The following MCU variants were observed in gnomAD, a reference collection of about 807,000 sequenced individuals.
MCU encodes the protein calcium uniporter protein, mitochondrial.
A neutral mutation model predicts 45.2 loss-of-function variants in MCU; 12 were observed. The observed-to-expected ratio is 0.27, with a 90% CI of 0.17 to 0.43. The LOEUF (loss-of-function observed/expected upper bound fraction) is 0.43. MCU is among the 20% of genes least tolerant of loss of function. The probability of loss-of-function intolerance (pLI) is 1.00; values close to 1 mark genes in which losing one functional copy is unlikely to be tolerated. For missense variants in MCU, 324 were observed against 436.7 expected, an observed-to-expected ratio of 0.74 and a Z score of 2.30; for synonymous variants, 160 against 165.1, an observed-to-expected ratio of 0.97 and a Z score of 0.24.
intron 1 of MCU, among the ~76,000 whole-genome samples, chr10:72,781,222 A>G (rs1843989152): frequency 6.6e-6 from 1 of 152,190 alleles, no homozygotes; most frequent in Non-Finnish European, 1.5e-5. Context: ...GAGTTTGGAG[A>G]TAAGAAATTA....
At chr10:72,742,512 C>A (rs1275083687) in intron 1 of MCU, among the ~76,000 whole-genome samples, 2 of 152,120 alleles carry the variant, frequency 1.3e-5, no homozygotes, top group Non-Finnish European at 2.9e-5. Context: ...AAATAATACT[C>A]AGAAATGAAT....
intron 1 of MCU, among the ~76,000 whole-genome samples, chr10:72,701,280 C>A (rs768536726): frequency 1.3e-4 from 20 of 152,250 alleles, no homozygotes; most frequent in Non-Finnish European, 2.1e-4. Context: ...TTTACTATAA[C>A]CCTATGAGAG....
chr10:72,854,717 C>T (rs1300868254), intron 2 of MCU, among the ~76,000 whole-genome samples: 11 of 152,208 alleles, frequency 7.2e-5, no homozygotes, highest in Admixed American at 5.2e-4. Flanking sequence ...TGGGGGTTGG[C>T]GACCCCCTAA....
chr10:72,739,476 T>C (rs1709000254), intron 1 of MCU, among the ~76,000 whole-genome samples: 1 of 152,230 alleles, frequency 6.6e-6, no homozygotes, highest in Admixed American at 6.5e-5. Flanking sequence ...ACTTTAGTTC[T>C]AGGTGAATTC....
At chr10:72,840,692 G>A (rs1845034923) in intron 2 of MCU, among the ~76,000 whole-genome samples, 1 of 152,162 alleles carries the variant, frequency 6.6e-6, no homozygotes, top group Middle Eastern at 3.2e-3. Flanking sequence ...GGCACACAGA[G>A]CCTAAGTATT....
chr10:72,788,200 A>T lies in MCU; in HGVS notation c.151-46159A>T, dbSNP rs924223674. Among the ~76,000 whole-genome samples, 7 of 152,380 alleles carry T rather than the reference A, an allele frequency of 4.6e-5. No homozygotes were observed. In the South Asian group the frequency reaches 1.0e-3, roughly 23 times the overall value. On this transcript the variant is annotated intron_variant, in intron 1 of 7. Coordinates refer to ENST00000373053, the MANE Select transcript of MCU (RefSeq NM_138357.3). ...CAATAGGTATAGAGTCCTTATCCAA[A>T]TAAGTAGCTGCTGACTATGAGTATA...
intron 1 of MCU, among the ~76,000 whole-genome samples, chr10:72,791,780 T>A (rs1844164197): frequency 6.6e-6 from 1 of 152,094 alleles, no homozygotes; most frequent in Non-Finnish European, 1.5e-5. Context: ...CATGAACTTA[T>A]TTTTAATTTT....
intron 2 of MCU, among the ~76,000 whole-genome samples, chr10:72,839,466 A>G (rs1425028049): frequency 6.6e-6 from 1 of 152,188 alleles, no homozygotes; most frequent in Non-Finnish European, 1.5e-5. Context: ...ATGGACTCAT[A>G]CAATATGTAG....
At chr10:72,736,347 G>C (rs1477955913) in intron 1 of MCU, 1 of 152,186 alleles carries the variant, frequency 6.6e-6, no homozygotes, top group African/African-American at 2.4e-5. Flanking sequence ...CAGATAACTA[G>C]ACAGTAAGGC....
intron 6 of MCU, among the ~76,000 whole-genome samples, chr10:72,881,115 G>A (rs754930775): frequency 8.5e-5 from 13 of 152,112 alleles, no homozygotes; most frequent in Non-Finnish European, 1.8e-4. Flanking sequence ...TGGTGGCAGA[G>A]TGAGACTCAA....
At chr10:72,726,771 A>G (rs1266323863) in intron 1 of MCU, among the ~76,000 whole-genome samples, 3 of 152,198 alleles carry the variant, frequency 2.0e-5, no homozygotes, top group African/African-American at 7.2e-5. Flanking sequence ...TTCTTAGCCA[A>G]CTTAAGAGTC....
chr10:72,807,649 C>G (rs186624171), intron 1 of MCU, among the ~76,000 whole-genome samples: 1 of 152,088 alleles, frequency 6.6e-6, no homozygotes, highest in South Asian at 2.1e-4. Flanking sequence ...CCCACCCTCC[C>G]TCTCCTCTCA....
At chr10:72,752,082 A>AC (rs1038656512) in intron 1 of MCU, among the ~76,000 whole-genome samples, 23 of 148,258 alleles carry the variant, frequency 1.6e-4, no homozygotes, top group East Asian at 2.0e-4. Context: ...TTCGTGATCC[A>AC]CCCCCCTAGG....
At chr10:72,849,222 C>T (rs567312892) in intron 2 of MCU, among the ~76,000 whole-genome samples, 2 of 147,366 alleles carry the variant, frequency 1.4e-5, no homozygotes, top group African/African-American at 2.5e-5. Context: ...CGCAGGTTGC[C>T]GTGAGCTGAG....
At chr10:72,840,641 G>A (rs1291568988) in intron 2 of MCU, among the ~76,000 whole-genome samples, 1 of 152,106 alleles carries the variant, frequency 6.6e-6, no homozygotes, top group Non-Finnish European at 1.5e-5. Flanking sequence ...AAGAAATGAA[G>A]CATTAAAGCT....
chr10:72,868,603 G>A, intron 4 of MCU, 100 bp from the exon 5 acceptor site: 1 of 1,057,270 alleles, frequency 9.5e-7, no homozygotes, highest in African/African-American at 1.6e-5. Flanking sequence ...AACACTGAAG[G>A]TGAGATACCT....
chr10:72,732,370 G>GT (rs1319336334), intron 1 of MCU, among the ~76,000 whole-genome samples: 1 of 152,154 alleles, frequency 6.6e-6, no homozygotes, highest in African/African-American at 2.4e-5. Context: ...CTCATAGAAT[G>GT]TTTTTTCAAA....
At chr10:72,752,806 C>G (rs1238039079) in intron 1 of MCU, among the ~76,000 whole-genome samples, 1 of 152,166 alleles carries the variant, frequency 6.6e-6, no homozygotes, top group East Asian at 1.9e-4. Flanking sequence ...GTAATAGAAG[C>G]TTTAAATATC....
intron 6 of MCU, among the ~76,000 whole-genome samples, chr10:72,881,308 T>A (rs1037575484): frequency 2.6e-5 from 4 of 152,198 alleles, no homozygotes; most frequent in African/African-American, 9.6e-5. Flanking sequence ...TATTCTCTTA[T>A]AGCTCCTATA....
Sources: gnomAD v4.1 joint callset for allele counts (sites outside exome capture counted in the v4.1 genomes callset) on GRCh38, gnomAD v4.1.1 for gene constraint, MANE v1.5 for transcripts, NCBI Gene and HGNC (gene_info 2026-07-23, HGNC 2026-07-21) for gene names.